The following DLG2 variants were observed in gnomAD, a reference collection of about 807,000 sequenced individuals.
DLG2 encodes disks large homolog 2.
A neutral mutation model predicts 132.5 loss-of-function variants in DLG2; 45 were observed. The ratio of observed to expected loss-of-function variants is 0.34; its 90% CI spans 0.27 to 0.44. The LOEUF (loss-of-function observed/expected upper bound fraction) is 0.44, where lower values mean the gene tolerates loss of function less well. Among genes scored for constraint, DLG2 ranks in the 20% least tolerant of loss-of-function variants. DLG2 has a pLI of 1.00. For missense variants in DLG2, 1,045 were observed against 1,196.9 expected, an observed-to-expected ratio of 0.87 and a Z score of 1.87; for synonymous variants, 424 against 419.6, an observed-to-expected ratio of 1.01 and a Z score of -0.13.
At chr11:84,466,505 A>C (rs1040436225) in intron 7 of DLG2, among the ~76,000 whole-genome samples, 2 of 151,346 alleles carry the variant, frequency 1.3e-5, no homozygotes, top group African/African-American at 4.8e-5. Flanking sequence ...CATATAGAAA[A>C]ACAGAAAGAC....
chr11:85,068,541 C>T lies in DLG2; in HGVS notation c.357+43120G>A, dbSNP rs79343467. On this transcript the variant is annotated intron_variant, in intron 6 of 27. Coordinates refer to ENST00000376104, the MANE Select transcript of DLG2 (RefSeq NM_001142699.3). ...CAGAGAGCCAAATCATGAGTGAACTCCCATTCACAACTGCTTCAAAGAGAA... is the reference window on the plus strand; with the variant it reads ...CAGAGAGCCAAATCATGAGTGAACTTCCATTCACAACTGCTTCAAAGAGAA... Among the ~76,000 whole-genome samples the T allele has an allele frequency of 5.9e-5, 9 of 152,188 alleles. 1 individual carries two copies. The highest frequency in any genetic ancestry group is 2.2e-4 in the African/African-American group (9 of 41,548).
chr11:84,945,678 G>C (rs533943504), intron 6 of DLG2, among the ~76,000 whole-genome samples: 1 of 152,204 alleles, frequency 6.6e-6, no homozygotes, highest in Non-Finnish European at 1.5e-5. Context: ...GCCAGCCCAG[G>C]GCACGTCCAG....
chr11:84,362,320 C>T (rs1204509880), intron 7 of DLG2, among the ~76,000 whole-genome samples: 1 of 151,838 alleles, frequency 6.6e-6, no homozygotes, highest in Non-Finnish European at 1.5e-5. Flanking sequence ...TCTAAGAAAT[C>T]CCTGGTGAAT....
intron 4 of DLG2, among the ~76,000 whole-genome samples, chr11:85,281,548 A>C (rs1384409820): frequency 6.6e-6 from 1 of 152,028 alleles, no homozygotes; most frequent in Admixed American, 6.6e-5. Context: ...GCCTTTTGGG[A>C]AGCTCAGATC....
intron 19 of DLG2, among the ~76,000 whole-genome samples, chr11:83,587,907 C>G (rs1380305644): frequency 6.6e-6 from 1 of 152,212 alleles, no homozygotes; most frequent in Admixed American, 6.5e-5. Flanking sequence ...TCAGGTCACT[C>G]CCACCTGAAT....
At chr11:85,542,419 T>G (rs549565216) in intron 3 of DLG2, among the ~76,000 whole-genome samples, 1 of 152,326 alleles carries the variant, frequency 6.6e-6, no homozygotes, top group South Asian at 2.1e-4. Context: ...ATGGAAGATA[T>G]TCAAAGGATC....
At chr11:83,511,166 T>C (rs574926742) in intron 21 of DLG2, among the ~76,000 whole-genome samples, 2 of 151,802 alleles carry the variant, frequency 1.3e-5, no homozygotes, top group Non-Finnish European at 2.9e-5. Flanking sequence ...TTCTTATTTC[T>C]GTACTAGACA....
intron 6 of DLG2, among the ~76,000 whole-genome samples, chr11:84,939,666 C>T (rs1232876766): frequency 1.3e-5 from 2 of 152,140 alleles, no homozygotes; most frequent in African/African-American, 2.4e-5. Context: ...TGAGTAAGAA[C>T]ATGTGAAGTT....
intron 15 of DLG2, among the ~76,000 whole-genome samples, chr11:83,906,302 CA>C (rs1565586396): frequency 5.0e-5 from 7 of 139,592 alleles, no homozygotes; most frequent in Admixed American, 1.4e-4. Flanking sequence ...CACACACACA[CA>C]CACACACACA....
intron 20 of DLG2, among the ~76,000 whole-genome samples, chr11:83,534,137 C>T (rs2095826559): frequency 1.3e-5 from 2 of 152,204 alleles, no homozygotes; most frequent in Admixed American, 6.5e-5. Flanking sequence ...TCCAGTCAGA[C>T]ATGATTGCTC....
chr11:84,141,143 A>G (rs1436314641), intron 9 of DLG2, among the ~76,000 whole-genome samples: 1 of 152,132 alleles, frequency 6.6e-6, no homozygotes, highest in Non-Finnish European at 1.5e-5. Context: ...CAGCACTAGA[A>G]ACAGATGCAC....
chr11:83,651,924 T>C (rs1468114013), intron 18 of DLG2: 1 of 470,632 alleles, frequency 2.1e-6, no homozygotes, highest in Non-Finnish European at 4.4e-6. Flanking sequence ...TTATGTGATA[T>C]CGGCACCTTT....
chr11:85,414,690 G>A (rs1009161129), intron 3 of DLG2, among the ~76,000 whole-genome samples: 5 of 151,896 alleles, frequency 3.3e-5, no homozygotes, highest in African/African-American at 1.2e-4. Context: ...TGCTGTAAGT[G>A]GAGTATTGAA....
chr11:83,722,878 T>C (rs576373072), intron 18 of DLG2, among the ~76,000 whole-genome samples: 27 of 152,362 alleles, frequency 1.8e-4, no homozygotes, highest in African/African-American at 5.5e-4. Context: ...ATGACGCATC[T>C]GGCTTTATGA....
At chr11:83,698,033 T>C (rs999922005) in intron 18 of DLG2, among the ~76,000 whole-genome samples, 4 of 152,202 alleles carry the variant, frequency 2.6e-5, no homozygotes, top group South Asian at 2.1e-4. Flanking sequence ...TCTCTGCCAT[T>C]CACTAGCTGC....
At chr11:84,411,372 C>A (rs1037077958) in intron 7 of DLG2, among the ~76,000 whole-genome samples, 3 of 152,164 alleles carry the variant, frequency 2.0e-5, no homozygotes, top group Non-Finnish European at 4.4e-5. Context: ...ACAAGGTAGG[C>A]AGGTGCCTTC....
intron 7 of DLG2, among the ~76,000 whole-genome samples, chr11:84,378,482 A>T (rs12283368): frequency 6.6e-6 from 1 of 152,208 alleles, no homozygotes; most frequent in Admixed American, 6.5e-5. Flanking sequence ...TGAGCAGACT[A>T]ATATAACCAG....
At chr11:84,203,896 A>G (rs1405038344) in intron 8 of DLG2, among the ~76,000 whole-genome samples, 1 of 152,184 alleles carries the variant, frequency 6.6e-6, no homozygotes, top group Admixed American at 6.5e-5. Flanking sequence ...TACCTATGTA[A>G]CAAGTCTGCA....
At chr11:85,412,843 T>C (rs2089469136) in intron 3 of DLG2, among the ~76,000 whole-genome samples, 1 of 151,260 alleles carries the variant, frequency 6.6e-6, no homozygotes, top group South Asian at 2.1e-4. Flanking sequence ...TCTACGTTTT[T>C]GCAATTGTAA....
Sources: allele counts gnomAD v4.1 joint callset (sites outside exome capture counted in the v4.1 genomes callset), GRCh38; gene constraint gnomAD v4.1.1; transcripts MANE v1.5; gene names NCBI Gene and HGNC (gene_info 2026-07-23, HGNC 2026-07-21).